The following CCDC81 variants were observed in gnomAD, a reference collection of about 807,000 sequenced individuals.
CCDC81 encodes coiled-coil domain-containing protein 81.
In CCDC81, 79 loss-of-function variants were observed where a neutral mutation model predicts 83.7. The observed-to-expected ratio is 0.94, with a 90% CI of 0.79 to 1.14. CCDC81 has a LOEUF of 1.14. Among genes scored for constraint, CCDC81 ranks in the 50% most tolerant of loss-of-function variants. CCDC81 has a pLI of 0.00. For missense variants in CCDC81, 791 were observed against 778.1 expected (o/e 1.02, Z -0.20); for synonymous variants, 252 against 278.1 (o/e 0.91, Z 0.93).
intron 7 of CCDC81, among the ~76,000 whole-genome samples, chr11:86,404,966 G>C (rs556772876): frequency 6.6e-6 from 1 of 152,256 alleles, no homozygotes; most frequent in South Asian, 2.1e-4. Flanking sequence ...TCTAGCTTGA[G>C]TACTTTTACA....
rs780826030 is a variant in CCDC81, at chr11:86,380,804, CT to C, written c.80-5246del. Among the ~76,000 whole-genome samples, 261 of 152,330 alleles carry C rather than the reference CT, an allele frequency of 1.7e-3. 2 individuals carry two copies. The highest frequency in any genetic ancestry group is 1.9e-3 in the Non-Finnish European group (130 of 68,040). On this transcript the variant is annotated intron_variant, in intron 1 of 14. Coordinates refer to ENST00000445632, the MANE Select transcript of CCDC81 (RefSeq NM_001156474.2). Reference sequence around the variant, plus strand: ...TTTGGTTCTTTCTTAGGATTTCAATCTCTCTGCTTATGTAGCCCATCTGTTC... The same window carrying C: ...TTTGGTTCTTTCTTAGGATTTCAATCCTCTGCTTATGTAGCCCATCTGTTC...
chr11:86,392,627 G>C lies in CCDC81; in HGVS notation c.385G>C (p.Glu129Gln), dbSNP rs1162154621. 6.4e-7 allele frequency: 1 copy of C among 1,551,660 alleles called. No individual in the cohort carries two copies. The highest frequency in any genetic ancestry group is 8.7e-7 in the Non-Finnish European group (1 of 1,146,972). The change falls in exon 4 of 15, where the codon GAG (glutamate) becomes CAG (glutamine). Residue 129 changes from glutamate (E) to glutamine (Q), a missense_variant. Coordinates refer to ENST00000445632, the MANE Select transcript of CCDC81 (RefSeq NM_001156474.2). ...AGATGTAGTGGAAGGATGTGTGAAG[G>C]AGACGTTGCTTTTTTTATCGCGTTC... is the stretch of plus-strand genomic sequence containing the variant. ...NRDVVEGCVK[E>Q]TLLFLSRSIS... is the part of the protein sequence containing the mutation.
At chr11:86,396,107 G>A (rs139540440) in intron 5 of CCDC81, among the ~76,000 whole-genome samples, 9 of 152,128 alleles carry the variant, frequency 5.9e-5, no homozygotes, top group South Asian at 2.1e-4. Flanking sequence ...GTCCTTGCTC[G>A]GATTTTTACC....
intron 2 of CCDC81, 55 bp from the exon 3 acceptor site, chr11:86,387,461 T>C: frequency 1.3e-6 from 2 of 1,548,092 alleles, no homozygotes; most frequent in Non-Finnish European, 1.8e-6. Flanking sequence ...TATTAAGGAT[T>C]ATTTTTTCTT....
At chr11:86,377,638 TTTTC>T (rs1301772755) in intron 1 of CCDC81, among the ~76,000 whole-genome samples, 4 of 152,216 alleles carry the variant, frequency 2.6e-5, no homozygotes, top group East Asian at 1.9e-4. Context: ...TGAGTTTTTC[TTTTC>T]TTTGTGTTTT....
Position 86,415,251 on chromosome 11 carries a change from C to G in CCDC81, c.1629C>G (p.Ala543=). ...CAGCTGCTAACCACAAGAGGAAAGC[C>G]ATCCTGCATCAACTAGTGGACCAGA... ...LEAAANHKRK[A]ILHQLVDQRR... is the part of the protein sequence containing the mutation. The change falls in exon 13 of 15, where the codon GCC becomes GCG. Residue 543 remains alanine, a synonymous_variant. Transcript: ENST00000445632. 6.2e-7 allele frequency: 1 copy of G among 1,614,138 alleles called. No individual in the cohort carries two copies. Among genetic ancestry groups the G allele is most frequent in the Non-Finnish European group, 8.5e-7 (1 of 1,180,026 alleles).
chr11:86,407,560 G>A, intron 7 of CCDC81, 54 bp from the exon 8 acceptor site: 1 of 1,179,412 alleles, frequency 8.5e-7, no homozygotes, highest in Non-Finnish European at 1.2e-6. Context: ...AATTATTATT[G>A]CCCTTGAGGT....
At chr11:86,375,279 T>C (rs1021703944) in intron 1 of CCDC81, 37 bp downstream of exon 1, 6 of 1,561,400 alleles carry the variant, frequency 3.8e-6, no homozygotes, top group East Asian at 2.2e-5. Flanking sequence ...GCCCTGGGGA[T>C]TGAATCTTCA....
intron 5 of CCDC81, among the ~76,000 whole-genome samples, chr11:86,396,858 C>A (rs1948416330): frequency 6.6e-6 from 1 of 152,126 alleles, no homozygotes; most frequent in Non-Finnish European, 1.5e-5. Context: ...TTCCCTTTGA[C>A]ATATTTTGGC....
Position 86,409,251 on chromosome 11 carries a change from T to TTA in CCDC81, c.1114-10_1114-9insTA. ...TTTAAAAATAAACTTTTTTTTTTTT[T>TTA]AAACAATAGATGAAAAGTCTGGCTA... On this transcript the variant is annotated splice_polypyrimidine_tract_variant and intron_variant, in intron 9 of 14. Transcript: ENST00000445632. 7.8e-7 allele frequency: 1 copy of TTA among 1,284,254 alleles called. No homozygotes were observed. Among genetic ancestry groups the TTA allele is most frequent in the Non-Finnish European group, 1.0e-6 (1 of 960,114 alleles). The allele number at this position is 1,284,254 out of a possible 1,614,324, so 79.6% of individuals were successfully genotyped here. A position where few individuals can be genotyped will look rare whatever the true frequency, so the allele number is the denominator to read the frequency against.
chr11:86,390,387 G>A (rs1948310896), intron 3 of CCDC81, among the ~76,000 whole-genome samples: 1 of 152,166 alleles, frequency 6.6e-6, no homozygotes, highest in Admixed American at 6.5e-5. Flanking sequence ...TGTGGAGGCA[G>A]GCAGAGGAAG....
intron 7 of CCDC81, 116 bp from the exon 8 acceptor site, chr11:86,407,497 TG>T (rs1454583594): frequency 2.9e-6 from 2 of 679,032 alleles, no homozygotes; most frequent in East Asian, 5.4e-5. Flanking sequence ...TACATATAGC[TG>T]TTTTGAAGTA....
Position 86,414,769 on chromosome 11 carries a change from C to A in CCDC81, c.1392-20C>A. The A allele has an allele frequency of 6.3e-7, 1 of 1,577,410 alleles. No individual in the cohort carries two copies. The highest frequency in any genetic ancestry group is 1.4e-5 in the African/African-American group (1 of 73,220). ...AGACTGCAAAACTGTGGTCCATCTT[C>A]TCTTGTTCTTAACTGCCAGACTTGC... On this transcript the variant is annotated intron_variant, in intron 11 of 14. Coordinates refer to ENST00000445632, the MANE Select transcript of CCDC81 (RefSeq NM_001156474.2).
intron 6 of CCDC81, 28 bp from the exon 7 acceptor site, chr11:86,400,650 T>C (rs1436559591): frequency 1.3e-6 from 2 of 1,571,168 alleles, no homozygotes; most frequent in South Asian, 2.3e-5. Context: ...GAAAGGAGAC[T>C]CGTTTTCATT....
chr11:86,377,315 C>A (rs1358011970), intron 1 of CCDC81, among the ~76,000 whole-genome samples: 1 of 152,094 alleles, frequency 6.6e-6, no homozygotes, highest in Non-Finnish European at 1.5e-5. Context: ...TGGGTAAATA[C>A]CCAGGGACAT....
At chr11:86,405,999 G>A (rs1008405253) in intron 7 of CCDC81, among the ~76,000 whole-genome samples, 1 of 152,092 alleles carries the variant, frequency 6.6e-6, no homozygotes, top group Non-Finnish European at 1.5e-5. Flanking sequence ...CTGACCTCAA[G>A]TTATCCACCT....
intron 13 of CCDC81, chr11:86,418,935 C>T (rs10898482): frequency 0.024 from 3,580 of 152,194 alleles, 59 homozygotes; most frequent in Admixed American, 0.033. Flanking sequence ...AGGTACTCTT[C>T]AGTCATTGAG....
chr11:86,396,297 T>C (rs953041827), intron 5 of CCDC81, among the ~76,000 whole-genome samples: 1 of 152,204 alleles, frequency 6.6e-6, no homozygotes, highest in African/African-American at 2.4e-5. Flanking sequence ...TTCTTTTACA[T>C]GAATGAAGCA....
chr11:86,422,527 AG>A, intron 14 of CCDC81, 46 bp from the exon 15 acceptor site: 1 of 1,578,688 alleles, frequency 6.3e-7, no homozygotes, highest in East Asian at 2.3e-5. Context: ...TTGGGCCTCC[AG>A]GAACTCCAGG....
Sources: allele counts gnomAD v4.1 joint callset (sites outside exome capture counted in the v4.1 genomes callset), GRCh38; gene constraint gnomAD v4.1.1; transcripts MANE v1.5; gene names NCBI Gene and HGNC (gene_info 2026-07-23, HGNC 2026-07-21).